The following GPC6 variants were observed in gnomAD, a reference collection of about 807,000 sequenced individuals.
The protein encoded by GPC6 is glypican-6.
GPC6 carries 14 observed loss-of-function variants against 55.2 expected under a neutral mutation model. That is an observed-to-expected ratio of 0.25 (90% CI 0.17 to 0.40). The LOEUF (loss-of-function observed/expected upper bound fraction) is 0.40, where lower values mean the gene tolerates loss of function less well. Among genes scored for constraint, GPC6 ranks in the 10% least tolerant of loss-of-function variants. The pLI, the probability that GPC6 is intolerant of heterozygous loss-of-function variation, is 1.00. For synonymous variants in GPC6, 278 were observed against 259.6 expected (o/e 1.07, Z -0.68); for missense variants, 641 against 708.5 (o/e 0.90, Z 1.08).
intron 3 of GPC6, among the ~76,000 whole-genome samples, chr13:93,933,333 T>C (rs1485292030): frequency 6.6e-6 from 1 of 152,140 alleles, no homozygotes; most frequent in Non-Finnish European, 1.5e-5. Flanking sequence ...AATGCTGGGA[T>C]AGGCTCCTAC....
At chr13:93,412,531 C>A (rs1390680930) in intron 1 of GPC6, among the ~76,000 whole-genome samples, 1 of 152,118 alleles carries the variant, frequency 6.6e-6, no homozygotes, top group Non-Finnish European at 1.5e-5. Flanking sequence ...GTGGCACATG[C>A]CTGTAGCCCC....
At chr13:94,066,276 G>A (rs1414390356) in intron 4 of GPC6, among the ~76,000 whole-genome samples, 2 of 152,068 alleles carry the variant, frequency 1.3e-5, no homozygotes, top group Non-Finnish European at 2.9e-5. Flanking sequence ...ACCCCATGCT[G>A]TTCATAGGTA....
chr13:93,827,288 A>C (rs1018321533), intron 2 of GPC6, among the ~76,000 whole-genome samples: 1 of 152,176 alleles, frequency 6.6e-6, no homozygotes, highest in African/African-American at 2.4e-5. Flanking sequence ...AAAATGGATC[A>C]CATAACTGTC....
chr13:94,196,378 A>G (rs1889577648), intron 4 of GPC6, among the ~76,000 whole-genome samples: 1 of 152,176 alleles, frequency 6.6e-6, no homozygotes, highest in Admixed American at 6.5e-5. Flanking sequence ...TAAAGATGTT[A>G]TATTGTAGCT....
At chr13:93,409,240 C>T (rs1286764141) in intron 1 of GPC6, among the ~76,000 whole-genome samples, 1 of 151,806 alleles carries the variant, frequency 6.6e-6, no homozygotes, top group African/African-American at 2.4e-5. Context: ...CAGCTGGCAG[C>T]TGCATTGCCC....
At chr13:94,141,652 A>G (rs1240805753) in intron 4 of GPC6, among the ~76,000 whole-genome samples, 2 of 152,202 alleles carry the variant, frequency 1.3e-5, no homozygotes, top group African/African-American at 2.4e-5. Context: ...TTTTAAGTTT[A>G]CAAATATCTA....
At chr13:94,168,337 T>C (rs967437553) in intron 4 of GPC6, among the ~76,000 whole-genome samples, 5 of 152,232 alleles carry the variant, frequency 3.3e-5, no homozygotes, top group African/African-American at 4.8e-5. Flanking sequence ...TGCTCACGCA[T>C]AGATTTGTTG....
At chr13:93,393,147 G>T (rs1171907278) in intron 1 of GPC6, among the ~76,000 whole-genome samples, 3 of 149,686 alleles carry the variant, frequency 2.0e-5, no homozygotes, top group Non-Finnish European at 4.4e-5. Context: ...GAGAGAGAGA[G>T]AGAGAGAGAG....
At chr13:94,260,726 T>G (rs11840781) in intron 4 of GPC6, among the ~76,000 whole-genome samples, 2,410 of 152,184 alleles carry the variant, frequency 0.016, 57 homozygotes, top group African/African-American at 0.053. Flanking sequence ...ACTACTGATC[T>G]TTTGAAGGAG....
chr13:94,142,828 CTTTT>C (rs766504929), intron 4 of GPC6, among the ~76,000 whole-genome samples: 9 of 145,582 alleles, frequency 6.2e-5, no homozygotes, highest in Non-Finnish European at 1.2e-4. Context: ...TGGACGGCTA[CTTTT>C]TTTTTTTTTC....
chr13:93,336,362 T>C (rs1229270614), intron 1 of GPC6, among the ~76,000 whole-genome samples: 5 of 152,238 alleles, frequency 3.3e-5, no homozygotes, highest in Admixed American at 2.0e-4. Flanking sequence ...TATATAATAA[T>C]ATTCCTAGGA....
intron 2 of GPC6, among the ~76,000 whole-genome samples, chr13:93,611,674 G>A (rs1006602046): frequency 2.0e-5 from 3 of 152,156 alleles, no homozygotes; most frequent in African/African-American, 7.2e-5. Flanking sequence ...GTAGAACAAA[G>A]TAGTACTTTT....
At chr13:93,449,219 AGAT>A (rs1470932797) in intron 1 of GPC6, among the ~76,000 whole-genome samples, 2 of 150,638 alleles carry the variant, frequency 1.3e-5, no homozygotes, top group Non-Finnish European at 3.0e-5. Flanking sequence ...GAAGGGTCCG[AGAT>A]GAAGTATAAG....
chr13:93,567,689 A>G (rs1210050747), intron 2 of GPC6, among the ~76,000 whole-genome samples: 1 of 152,166 alleles, frequency 6.6e-6, no homozygotes, highest in Non-Finnish European at 1.5e-5. Flanking sequence ...CTTCTTTTAG[A>G]TTAGAAATTT....
At chr13:94,274,921 G>A (rs900528278) in intron 4 of GPC6, among the ~76,000 whole-genome samples, 5 of 152,064 alleles carry the variant, frequency 3.3e-5, no homozygotes, top group Admixed American at 3.3e-4. Flanking sequence ...CACATCAAAA[G>A]CCACCAAGGG....
intron 4 of GPC6, among the ~76,000 whole-genome samples, chr13:94,253,363 G>T (rs970949526): frequency 2.6e-5 from 4 of 152,198 alleles, no homozygotes; most frequent in South Asian, 4.1e-4. Context: ...CTATAACCTA[G>T]ATAGTCAAAG....
chr13:93,630,353 A>T (rs1197208167), intron 2 of GPC6, among the ~76,000 whole-genome samples: 1 of 152,186 alleles, frequency 6.6e-6, no homozygotes, highest in Non-Finnish European at 1.5e-5. Context: ...TTCTACGGAC[A>T]CTTCTGAAAC....
At chr13:94,183,891 G>A (rs1040309524) in intron 4 of GPC6, among the ~76,000 whole-genome samples, 2 of 152,144 alleles carry the variant, frequency 1.3e-5, no homozygotes, top group African/African-American at 4.8e-5. Flanking sequence ...AACAAGGGTT[G>A]AAGAATGTGG....
chr13:93,233,120 T>G (rs79375083), intron 1 of GPC6, among the ~76,000 whole-genome samples: 1 of 152,134 alleles, frequency 6.6e-6, no homozygotes, highest in East Asian at 1.9e-4. Flanking sequence ...ACTTTAAATA[T>G]TTTCATAGAT....
Sources: gnomAD v4.1 joint callset for allele counts (sites outside exome capture counted in the v4.1 genomes callset) on GRCh38, gnomAD v4.1.1 for gene constraint, MANE v1.5 for transcripts, NCBI Gene and HGNC (gene_info 2026-07-23, HGNC 2026-07-21) for gene names.